Variants in CTNNA3 observed in about 807,000 individuals in gnomAD.
CTNNA3 encodes the protein catenin alpha-3.
CTNNA3 carries 76 observed loss-of-function variants against 95.7 expected under a neutral mutation model. The observed-to-expected ratio is 0.79, with a 90% CI of 0.66 to 0.96. The LOEUF is 0.96. CTNNA3 is among the 40% of genes least tolerant of loss of function. CTNNA3 has a pLI of 0.00. For missense variants in CTNNA3, 1,191 were observed against 1,089.8 expected (o/e 1.09, Z -1.31); for synonymous variants, 431 against 374.4 (o/e 1.15, Z -1.74).
At chr10:67,288,242 A>C (rs991137541) in intron 5 of CTNNA3, among the ~76,000 whole-genome samples, 27 of 152,190 alleles carry the variant, frequency 1.8e-4, no homozygotes, top group African/African-American at 6.3e-4. Flanking sequence ...ATCATTAAGT[A>C]AAGTTAAGCT....
intron 7 of CTNNA3, among the ~76,000 whole-genome samples, chr10:66,947,833 C>T (rs993974295): frequency 2.6e-5 from 4 of 152,134 alleles, no homozygotes; most frequent in Non-Finnish European, 5.9e-5. Flanking sequence ...AGTCATGTGG[C>T]GCTTAGCGAC....
intron 10 of CTNNA3, among the ~76,000 whole-genome samples, chr10:66,574,862 G>C (rs1284015151): frequency 1.3e-5 from 2 of 152,082 alleles, no homozygotes; most frequent in Admixed American, 1.3e-4. Context: ...GATTCAGCTG[G>C]AGTCTATATT....
intron 10 of CTNNA3, among the ~76,000 whole-genome samples, chr10:66,617,213 G>A (rs182861028): frequency 1.3e-5 from 2 of 151,966 alleles, no homozygotes; most frequent in East Asian, 3.9e-4. Flanking sequence ...AATAAATATG[G>A]TAACATAATA....
intron 17 of CTNNA3, 51 bp downstream of exon 17, chr10:65,966,561 T>C (rs756892457): frequency 4.0e-6 from 6 of 1,516,614 alleles, no homozygotes; most frequent in Non-Finnish European, 5.4e-6. Flanking sequence ...GTAGTTACTC[T>C]GTTTCAAGCA....
Position 67,219,729 on chromosome 10 carries a change from C to CTG in CTNNA3, c.719_720dup (p.Val241GlnfsTer12). The CTG allele has an allele frequency of 6.2e-7, 1 of 1,614,114 alleles. No homozygotes were observed. The highest frequency in any genetic ancestry group is 2.2e-5 in the East Asian group (1 of 44,864). On this transcript the variant is annotated frameshift_variant, in exon 6 of 18. Transcript: ENST00000433211. LOFTEE classifies it high-confidence loss of function. The stretch of plus-strand genomic sequence containing the variant: ...AGAGCATTCTGAATTTCTTCACAAA[C>CTG]TGTGTCCTTGCTTGCTTTGAGGGAA...
At chr10:67,584,603 AG>A (rs2133330685) in intron 3 of CTNNA3, among the ~76,000 whole-genome samples, 1 of 152,342 alleles carries the variant, frequency 6.6e-6, no homozygotes, top group South Asian at 2.1e-4. Flanking sequence ...GCTGTCAGAC[AG>A]GGACATTTAA....
chr10:67,179,142 T>A (rs969716132), intron 7 of CTNNA3, among the ~76,000 whole-genome samples: 6 of 152,042 alleles, frequency 3.9e-5, no homozygotes, highest in African/African-American at 1.2e-4. Context: ...ACCTGAAAAG[T>A]CATACCCTTT....
At chr10:66,261,297 C>A (rs566389077) in intron 13 of CTNNA3, among the ~76,000 whole-genome samples, 69 of 152,180 alleles carry the variant, frequency 4.5e-4, no homozygotes, top group African/African-American at 1.6e-3. Flanking sequence ...CCTTGATCTT[C>A]CTACCTCATC....
intron 5 of CTNNA3, among the ~76,000 whole-genome samples, chr10:67,349,147 G>T (rs996326835): frequency 1.9e-4 from 29 of 152,142 alleles, no homozygotes; most frequent in South Asian, 1.7e-3. Flanking sequence ...ACAACATGAA[G>T]TTTTTTTAAA....
chr10:66,341,173 T>C (rs552881560), intron 12 of CTNNA3, among the ~76,000 whole-genome samples: 1 of 152,006 alleles, frequency 6.6e-6, no homozygotes, highest in East Asian at 1.9e-4. Context: ...AACAAGATGA[T>C]AAAACCAGTC....
chr10:67,196,022 G>C (rs1446390900), intron 6 of CTNNA3, among the ~76,000 whole-genome samples: 3 of 151,998 alleles, frequency 2.0e-5, no homozygotes, highest in Admixed American at 2.0e-4. Context: ...TTCACGTTGA[G>C]AGCAGCAGAA....
At chr10:66,645,356 G>T (rs1845670528) in intron 9 of CTNNA3, among the ~76,000 whole-genome samples, 1 of 151,768 alleles carries the variant, frequency 6.6e-6, no homozygotes, top group Non-Finnish European at 1.5e-5. Context: ...TTTTACCTTT[G>T]TCTCTGATCC....
At chr10:67,178,091 G>A (rs1320634575) in intron 7 of CTNNA3, among the ~76,000 whole-genome samples, 1 of 152,084 alleles carries the variant, frequency 6.6e-6, no homozygotes, top group African/African-American at 2.4e-5. Flanking sequence ...ATGCAGTCCT[G>A]CCTCCGAGTG....
rs1840919285 is a variant in CTNNA3, at chr10:67,548,627, A to T, written c.293-8958T>A. ...TACGTTTATGGTAGATCATAGACCTACTTGCAAGAGCTAAAACTATAAAAC... is the reference window on the plus strand; with the variant it reads ...TACGTTTATGGTAGATCATAGACCTTCTTGCAAGAGCTAAAACTATAAAAC... On this transcript the variant is annotated intron_variant, in intron 3 of 17. Transcript: ENST00000433211. Among the ~76,000 whole-genome samples, 5 of 152,216 alleles carry T rather than the reference A, an allele frequency of 3.3e-5. No homozygotes were observed. In the South Asian group the frequency reaches 1.0e-3, roughly 32 times the overall value.
chr10:67,597,824 G>A (rs541032399), intron 3 of CTNNA3, among the ~76,000 whole-genome samples: 4 of 152,336 alleles, frequency 2.6e-5, no homozygotes, highest in Non-Finnish European at 5.9e-5. Context: ...TTTATAGGAA[G>A]AGGCTGCAGG....
At chr10:66,200,295 A>T (rs2087315147) in intron 13 of CTNNA3, among the ~76,000 whole-genome samples, 1 of 152,024 alleles carries the variant, frequency 6.6e-6, no homozygotes, top group Non-Finnish European at 1.5e-5. Context: ...ACAGTGTTTC[A>T]TATAAACTCC....
intron 7 of CTNNA3, among the ~76,000 whole-genome samples, chr10:66,824,046 C>CGT (rs1554857983): frequency 6.8e-6 from 1 of 147,408 alleles, no homozygotes; most frequent in East Asian, 2.0e-4. Flanking sequence ...ATGCCATACT[C>CGT]TTTTTTTTTT....
intron 15 of CTNNA3, among the ~76,000 whole-genome samples, chr10:66,021,879 G>C (rs1210966100): frequency 7.1e-5 from 2 of 28,072 alleles, no homozygotes; most frequent in Non-Finnish European, 7.1e-5. Flanking sequence ...AGATAGATAG[G>C]GTCTCGCCCT....
At chr10:66,937,969 G>A (rs1847801318) in intron 7 of CTNNA3, among the ~76,000 whole-genome samples, 1 of 151,986 alleles carries the variant, frequency 6.6e-6, no homozygotes, top group South Asian at 2.1e-4. Flanking sequence ...ATCACGATTT[G>A]AGGAAATGGA....
Sources: allele counts gnomAD v4.1 joint callset (sites outside exome capture counted in the v4.1 genomes callset), GRCh38; gene constraint gnomAD v4.1.1; transcripts MANE v1.5; gene names NCBI Gene and HGNC (gene_info 2026-07-23, HGNC 2026-07-21).